The following FBN2 variants were observed in gnomAD, a reference collection of about 807,000 sequenced individuals.
The protein encoded by FBN2 is fibrillin-2.
In FBN2, 105 loss-of-function variants were observed where a neutral mutation model predicts 355.6. The ratio of observed to expected loss-of-function variants is 0.30; its 90% CI spans 0.25 to 0.35. The LOEUF is 0.35. Ranked by LOEUF, FBN2 falls within the 10% of genes least tolerant of loss-of-function variation. The probability of loss-of-function intolerance (pLI) is 1.00; values close to 1 mark genes in which losing one functional copy is unlikely to be tolerated. For missense variants in FBN2, 3,280 were observed against 3,758.7 expected, an observed-to-expected ratio of 0.87 and a Z score of 3.33; for synonymous variants, 1,350 against 1,301.2, an observed-to-expected ratio of 1.04 and a Z score of -0.81.
intron 55 of FBN2, among the ~76,000 whole-genome samples, chr5:128,281,124 C>T (rs1433191631): frequency 6.6e-6 from 1 of 152,024 alleles, no homozygotes; most frequent in East Asian, 1.9e-4. Context: ...TTATTTTCAA[C>T]CTATCTCAGA....
At chr5:128,413,769 A>G (rs1297451348) in intron 7 of FBN2, among the ~76,000 whole-genome samples, 2 of 148,372 alleles carry the variant, frequency 1.3e-5, no homozygotes, top group African/African-American at 5.3e-5. Flanking sequence ...TAGTACAAAT[A>G]AAACAAGAAA....
intron 11 of FBN2, among the ~76,000 whole-genome samples, chr5:128,383,392 T>C (rs1447902113): frequency 2.6e-5 from 4 of 152,058 alleles, no homozygotes; most frequent in African/African-American, 9.7e-5. Context: ...AGAAAACCCT[T>C]GTGACCTTAC....
chr5:128,342,285 C>T (rs186591684), intron 25 of FBN2, among the ~76,000 whole-genome samples: 18 of 151,920 alleles, frequency 1.2e-4, no homozygotes, highest in African/African-American at 4.1e-4. Context: ...TGATCAAGAC[C>T]GGAAAATACC....
chr5:128,306,981 C>T lies in FBN2; in HGVS notation c.5422+154G>A, dbSNP rs17839648. On this transcript the variant is annotated intron_variant, in intron 42 of 64. Transcript: ENST00000262464. ...ATCATTATTAATACTTGGTTAGAGT[C>T]TGTAAGCCTGTTATTTCTCTCTTAT... 0.044 allele frequency among the ~76,000 whole-genome samples: 6,724 copies of T among 152,232 alleles called. 509 individuals carry two copies. The highest frequency in any genetic ancestry group is 0.15 in the African/African-American group (6,382 of 41,516).
intron 2 of FBN2, among the ~76,000 whole-genome samples, chr5:128,530,979 C>A (rs2112802245): frequency 6.6e-6 from 1 of 152,170 alleles, no homozygotes; most frequent in South Asian, 2.1e-4. Flanking sequence ...AGTAGAACTA[C>A]CATTTGATCC....
In FBN2 at chr5:128,309,960, T is replaced by A. The variant is rs62375018; in HGVS notation, c.5200+23A>T. ...GTGAAGTCAACAACTGTGCTCTAAT[T>A]AATCTCAGAGTTCTTTACCTACCCA... On this transcript the variant is annotated intron_variant, in intron 40 of 64. Coordinates refer to ENST00000262464, the MANE Select transcript of FBN2 (RefSeq NM_001999.4). The A allele has an allele frequency of 0.029, 46,537 of 1,612,350 alleles. 861 individuals are homozygous for A. Among genetic ancestry groups the A allele is most frequent in the Non-Finnish European group, 0.033 (38,810 of 1,178,556 alleles).
chr5:128,310,789 C>T (rs1204808112), intron 39 of FBN2, among the ~76,000 whole-genome samples: 2 of 152,026 alleles, frequency 1.3e-5, no homozygotes, highest in Non-Finnish European at 2.9e-5. Flanking sequence ...AAGATGTGGA[C>T]CTTGTCTCCA....
chr5:128,430,317 G>T (rs887675806), intron 7 of FBN2, among the ~76,000 whole-genome samples: 1 of 151,928 alleles, frequency 6.6e-6, no homozygotes, highest in East Asian at 1.9e-4. Context: ...GAACATAAAA[G>T]AATTCTCTTA....
At position 128,357,266 on chromosome 5, in the gene FBN2, T is replaced by C. The variant is rs371734006; in HGVS notation, c.2674+10A>G. The C allele has an allele frequency of 6.8e-5, 110 of 1,613,692 alleles. No homozygotes were observed. Among genetic ancestry groups the C allele is most frequent in the Non-Finnish European group, 8.1e-5 (95 of 1,179,712 alleles). ...GAAATTGAAGCATCAGTATTGTGTA[T>C]GAATCTTACCAATACAGATCAATCC... is the stretch of plus-strand genomic sequence containing the variant. On this transcript the variant is annotated intron_variant, in intron 20 of 64. Transcript: ENST00000262464.
chr5:128,299,435 A>AGCTGCTGCCTTG (rs1561756634), intron 48 of FBN2, among the ~76,000 whole-genome samples: 1 of 126,026 alleles, frequency 7.9e-6, no homozygotes, highest in East Asian at 2.3e-4. Context: ...CCCCAGCCTC[A>AGCTGCTGCCTTG]CAGTTTGATC....
At chr5:128,513,918 T>C (rs544803299) in intron 5 of FBN2, among the ~76,000 whole-genome samples, 2 of 152,084 alleles carry the variant, frequency 1.3e-5, no homozygotes, top group African/African-American at 4.8e-5. Flanking sequence ...AAAGTTAAGT[T>C]CCCACAGATC....
intron 48 of FBN2, among the ~76,000 whole-genome samples, chr5:128,296,211 T>C (rs1749505045): frequency 6.6e-6 from 1 of 150,822 alleles, no homozygotes; most frequent in Non-Finnish European, 1.5e-5. Flanking sequence ...TGGATAAGCT[T>C]TTTGATGTGC....
At position 128,311,962 on chromosome 5, in the gene FBN2, C is replaced by T; in HGVS notation, c.4880-9G>A. On this transcript the variant is annotated splice_polypyrimidine_tract_variant and intron_variant, in intron 37 of 64. Coordinates refer to ENST00000262464, the MANE Select transcript of FBN2 (RefSeq NM_001999.4). ...CAGGGTGTAATATTCAGCTACAAAA[C>T]AATAGAAAAATAAGAGGTTTGATAC... 1 of 1,601,486 alleles carries T rather than the reference C, an allele frequency of 6.2e-7. No homozygotes were observed. Among genetic ancestry groups the T allele is most frequent in the Non-Finnish European group, 8.6e-7 (1 of 1,169,028 alleles).
At chr5:128,351,665 C>G (rs535192074) in intron 20 of FBN2, among the ~76,000 whole-genome samples, 7 of 152,094 alleles carry the variant, frequency 4.6e-5, no homozygotes, top group Admixed American at 3.9e-4. Flanking sequence ...GTATCTCTCT[C>G]ACATAATATG....
chr5:128,310,588 C>A (rs1750027824), intron 39 of FBN2, among the ~76,000 whole-genome samples: 1 of 151,870 alleles, frequency 6.6e-6, no homozygotes. Context: ...TAAAGCAGTG[C>A]AGCTGCTGGT....
chr5:128,328,630 C>G, intron 34 of FBN2, 66 bp downstream of exon 34: 1 of 1,572,974 alleles, frequency 6.4e-7, no homozygotes, highest in Non-Finnish European at 8.7e-7. Flanking sequence ...TGTTCCAGCC[C>G]TTGTTGTGGT....
chr5:128,338,211 TGA>T, intron 26 of FBN2, 89 bp from the exon 27 acceptor site: 1 of 1,275,920 alleles, frequency 7.8e-7, no homozygotes, highest in Non-Finnish European at 1.1e-6. Context: ...TTATCTGATG[TGA>T]GAGTGTGAGT....
In FBN2 at chr5:128,361,838, T is replaced by G; in HGVS notation, c.2439A>C (p.Glu813Asp). 6.2e-7 allele frequency: 1 copy of G among 1,614,112 alleles called. No individual in the cohort carries two copies. Among genetic ancestry groups the G allele is most frequent in the Non-Finnish European group, 8.5e-7 (1 of 1,179,962 alleles). ...ASGRNCIDID[E>D]CLVNRLLCDN... ...CACAAAGCAGTCTGTTTACTAAACA[T>G]TCATCAATGTCTGAAAGCAACGATT... The change falls in exon 19 of 65, where the codon GAA becomes GAC. Residue 813 changes from glutamate (E) to aspartate (D), a missense_variant. By Grantham distance (45) the Glu-to-Asp change is conservative. Coordinates refer to ENST00000262464, the MANE Select transcript of FBN2 (RefSeq NM_001999.4).
At chr5:128,357,221 TCTGTG>T in intron 20 of FBN2, 50 bp downstream of exon 20, 1 of 1,607,832 alleles carries the variant, frequency 6.2e-7, no homozygotes, top group Non-Finnish European at 8.5e-7. Context: ...AGGCCTGAGA[TCTGTG>T]CTTATCTTGG....
Sources: allele counts gnomAD v4.1 joint callset (sites outside exome capture counted in the v4.1 genomes callset), GRCh38; gene constraint gnomAD v4.1.1; transcripts MANE v1.5; gene names NCBI Gene and HGNC (gene_info 2026-07-23, HGNC 2026-07-21).